LPP: variants seen among roughly 807,000 people sequenced by gnomAD.
The protein encoded by LPP is lipoma-preferred partner.
In LPP, 38 loss-of-function variants were observed where a neutral mutation model predicts 60.4. That is an observed-to-expected ratio of 0.63 (90% CI 0.49 to 0.83). LPP has a LOEUF of 0.83. Among genes scored for constraint, LPP ranks in the 40% least tolerant of loss-of-function variants. The pLI is 0.00. For missense variants in LPP, 902 were observed against 783.6 expected (o/e 1.15, Z -1.80); for synonymous variants, 328 against 290.8 (o/e 1.13, Z -1.30).
chr3:188,869,656 G>C (rs1454661915), intron 10 of LPP, among the ~76,000 whole-genome samples: 1 of 152,200 alleles, frequency 6.6e-6, no homozygotes, highest in Non-Finnish European at 1.5e-5. Context: ...GAGGGATCTT[G>C]TTAAACTTTG....
At chr3:188,516,847 T>A (rs1374861317) in intron 5 of LPP, among the ~76,000 whole-genome samples, 1 of 151,976 alleles carries the variant, frequency 6.6e-6, no homozygotes, top group Non-Finnish European at 1.5e-5. Flanking sequence ...GTTTAATAAG[T>A]CCTCCTGGTG....
intron 3 of LPP, among the ~76,000 whole-genome samples, chr3:188,380,426 T>G (rs1465704833): frequency 6.6e-6 from 1 of 152,262 alleles, no homozygotes; most frequent in Non-Finnish European, 1.5e-5. Flanking sequence ...ACCTGTCATT[T>G]TAGATATTGA....
chr3:188,245,105 C>G (rs138531133), intron 2 of LPP, among the ~76,000 whole-genome samples: 169 of 152,140 alleles, frequency 1.1e-3, no homozygotes, highest in Middle Eastern at 3.4e-3. Flanking sequence ...TTGTTTCCCA[C>G]CCTGCCCCCG....
chr3:188,662,577 T>G (rs1854831183), intron 7 of LPP, among the ~76,000 whole-genome samples: 1 of 152,240 alleles, frequency 6.6e-6, no homozygotes, highest in Non-Finnish European at 1.5e-5. Flanking sequence ...CTGTTTAAAT[T>G]TAAAGATTGA....
intron 1 of LPP, among the ~76,000 whole-genome samples, chr3:188,185,358 AC>A (rs1726286317): frequency 6.6e-6 from 1 of 152,044 alleles, no homozygotes; most frequent in African/African-American, 2.4e-5. Context: ...CAAGTCAGGA[AC>A]ATTAATCTTC....
intron 4 of LPP, among the ~76,000 whole-genome samples, chr3:188,440,632 A>G (rs1280935655): frequency 6.6e-6 from 1 of 152,250 alleles, no homozygotes; most frequent in Non-Finnish European, 1.5e-5. Context: ...ATGTCAATTC[A>G]TGGTCACATT....
At chr3:188,404,326 C>T (rs1035059903) in intron 3 of LPP, among the ~76,000 whole-genome samples, 1 of 152,186 alleles carries the variant, frequency 6.6e-6, no homozygotes, top group African/African-American at 2.4e-5. Flanking sequence ...CTTACCGCAG[C>T]CTCAATCTCC....
intron 6 of LPP, among the ~76,000 whole-genome samples, chr3:188,562,074 G>GACAC: frequency 2.0e-5 from 1 of 50,568 alleles, no homozygotes; most frequent in South Asian, 6.3e-4. Flanking sequence ...GACACACACA[G>GACAC]ACACACACAC....
intron 2 of LPP, among the ~76,000 whole-genome samples, chr3:188,311,883 C>T (rs1382697477): frequency 6.6e-6 from 1 of 152,120 alleles, no homozygotes; most frequent in Non-Finnish European, 1.5e-5. Flanking sequence ...AGATGATTCT[C>T]CTGCCTCGAC....
chr3:188,358,666 C>A (rs1299681132), intron 3 of LPP, among the ~76,000 whole-genome samples: 2 of 151,986 alleles, frequency 1.3e-5, no homozygotes, highest in Non-Finnish European at 2.9e-5. Context: ...AGATTCTTTC[C>A]GAAAGAGTGT....
intron 2 of LPP, among the ~76,000 whole-genome samples, chr3:188,262,361 T>C (rs927705824): frequency 3.3e-5 from 5 of 151,970 alleles, no homozygotes; most frequent in African/African-American, 9.7e-5. Context: ...TAATATGTAC[T>C]CATGTATAGG....
chr3:188,768,603 A>C (rs1734877777), intron 9 of LPP, among the ~76,000 whole-genome samples: 2 of 152,214 alleles, frequency 1.3e-5, no homozygotes, highest in African/African-American at 4.8e-5. Context: ...AAACAATGGC[A>C]ATGCAAAATA....
At chr3:188,378,362 A>C (rs2090915) in intron 3 of LPP, among the ~76,000 whole-genome samples, 1 of 152,096 alleles carries the variant, frequency 6.6e-6, no homozygotes, top group Non-Finnish European at 1.5e-5. Flanking sequence ...CACCGAGTTC[A>C]AGCTTCCTGG....
At chr3:188,379,886 C>A (rs1776396281) in intron 3 of LPP, among the ~76,000 whole-genome samples, 1 of 152,142 alleles carries the variant, frequency 6.6e-6, no homozygotes. Flanking sequence ...TGAAAGTAGA[C>A]TATTGGGTCT....
intron 8 of LPP, among the ~76,000 whole-genome samples, chr3:188,735,546 T>A (rs1722200442): frequency 6.6e-6 from 1 of 151,816 alleles, no homozygotes; most frequent in Non-Finnish European, 1.5e-5. Context: ...CGTGCCCGGC[T>A]AATTTTTTTG....
intron 4 of LPP, among the ~76,000 whole-genome samples, chr3:188,471,832 G>A (rs1801922105): frequency 1.3e-5 from 2 of 152,138 alleles, no homozygotes; most frequent in African/African-American, 4.8e-5. Context: ...GAAGCAGTTG[G>A]GGACAGCAGC....
At chr3:188,332,337 T>A (rs1166161277) in intron 2 of LPP, among the ~76,000 whole-genome samples, 1 of 152,222 alleles carries the variant, frequency 6.6e-6, no homozygotes, top group Non-Finnish European at 1.5e-5. Context: ...GTCACTTAAC[T>A]CCTCGCTAAA....
chr3:188,318,492 A>G (rs1026657829), intron 2 of LPP, among the ~76,000 whole-genome samples: 1 of 151,714 alleles, frequency 6.6e-6, no homozygotes, highest in Non-Finnish European at 1.5e-5. Flanking sequence ...TTGGGAATGG[A>G]GTAGAATGTT....
At chr3:188,554,267 A>G (rs1253361091) in intron 6 of LPP, among the ~76,000 whole-genome samples, 2 of 152,128 alleles carry the variant, frequency 1.3e-5, no homozygotes, top group African/African-American at 2.4e-5. Flanking sequence ...AAAACCTTCT[A>G]TCCCCTACTT....
Sources: gnomAD v4.1 joint callset for allele counts (sites outside exome capture counted in the v4.1 genomes callset) on GRCh38, gnomAD v4.1.1 for gene constraint, MANE v1.5 for transcripts, NCBI Gene and HGNC (gene_info 2026-07-23, HGNC 2026-07-21) for gene names.